Variants in CLCNKA observed in about 807,000 individuals in gnomAD.
CLCNKA encodes the protein chloride voltage-gated channel Ka, also known as chloride channel protein ClC-Ka.
A neutral mutation model predicts 83.3 loss-of-function variants in CLCNKA; 66 were observed. The observed-to-expected ratio is 0.79, with a 90% confidence interval of 0.65 to 0.97. The LOEUF (loss-of-function observed/expected upper bound fraction) is 0.97, where lower values mean the gene tolerates loss of function less well. Among genes scored for constraint, CLCNKA ranks in the 50% least tolerant of loss-of-function variants. The pLI, the probability that CLCNKA is intolerant of heterozygous loss-of-function variation, is 0.00. For synonymous variants in CLCNKA, 357 were observed against 370.4 expected (o/e 0.96, Z 0.42); for missense variants, 806 against 888.7 (o/e 0.91, Z 1.18).
chr1:16,024,769 A>G lies in CLCNKA; in HGVS notation c.236A>G (p.Gln79Arg), dbSNP rs777486534. The G allele has an allele frequency of 1.9e-6, 3 of 1,613,872 alleles. No individual in the cohort carries two copies. The highest frequency in any genetic ancestry group is 2.5e-6 in the Non-Finnish European group (3 of 1,179,994). Reference protein sequence around the residue: ...FAIGCVVRAHQWLYREIGDSH... With the variant: ...FAIGCVVRAHRWLYREIGDSH... ...GATACGCGGCTGTCCCCAGCACACC[A>G]GTGGCTGTACAGGGAGATTGGGGAC... Residue 79 changes from glutamine to arginine, a missense_variant, in exon 4 of 20, where the codon CAG (glutamine) becomes CGG (arginine). Transcript: ENST00000331433.
chr1:16,030,056 C>A lies in CLCNKA; in HGVS notation c.1389C>A (p.Pro463=), dbSNP rs141107527. The A allele has an allele frequency of 1.3e-4, 212 of 1,605,680 alleles. 1 individual carries two copies. Among genetic ancestry groups the A allele is most frequent in the Middle Eastern group, 5.0e-4 (3 of 6,040 alleles). ...VTGGVTNPIM[P]GGYALAGAAA... ...GAGGGGTTACCAATCCCATCATGCC[C>A]GGGGGGTATGCTCTGGCAGGTGAGT... is the stretch of plus-strand genomic sequence containing the variant. Residue 463 remains proline, a synonymous_variant, in exon 14 of 20, where the codon CCC becomes CCA. Coordinates refer to ENST00000331433, the MANE Select transcript of CLCNKA (RefSeq NM_004070.4).
intron 19 of CLCNKA, 71 bp downstream of exon 19, chr1:16,033,327 G>C: frequency 6.6e-7 from 1 of 1,514,846 alleles, no homozygotes. Context: ...TGGGGAGGTG[G>C]GGGGACACCA....
Position 16,026,167 on chromosome 1 carries a change from G to T in CLCNKA, c.418G>T (p.Asp140Tyr). Reference sequence around the variant, plus strand: ...GGGTGTGATCTTGGAGGACTACCTGGATATCAAGAACTTTGGGGCCAAGGT... The same window carrying T: ...GGGTGTGATCTTGGAGGACTACCTGTATATCAAGAACTTTGGGGCCAAGGT... ...LAGVILEDYL[D>Y]IKNFGAKVVG... The change falls in exon 5 of 20, where the codon GAT becomes TAT. Residue 140 changes from aspartate to tyrosine, a missense_variant. Asp to Tyr is a radical substitution (Grantham distance 160, BLOSUM62 -3). Transcript: ENST00000331433. 4.3e-6 allele frequency: 7 copies of T among 1,613,740 alleles called. No individual in the cohort carries two copies. Among genetic ancestry groups the T allele is most frequent in the Non-Finnish European group, 5.1e-6 (6 of 1,180,028 alleles).
At chr1:16,032,109 A>G (rs1050946383) in intron 16 of CLCNKA, 94 bp from the exon 17 acceptor site, 1 of 1,293,654 alleles carries the variant, frequency 7.7e-7, no homozygotes, top group Non-Finnish European at 1.1e-6. Context: ...CTGGGGTAGG[A>G]GCATGGGGAC....
At chr1:16,028,468 C>A (rs1199220822) in intron 10 of CLCNKA, 6 of 620,596 alleles carry the variant, frequency 9.7e-6, no homozygotes, top group Non-Finnish European at 1.2e-5. Context: ...TGGCCCGCCC[C>A]GGCCCGGCCC....
chr1:16,032,305 A>AGGGGCGTGGGGAT lies in CLCNKA; in HGVS notation c.1845+21_1845+33dup, dbSNP rs2022656472. 2.5e-6 allele frequency: 1 copy of AGGGGCGTGGGGAT among 405,022 alleles called. No individual in the cohort carries two copies. Among genetic ancestry groups the AGGGGCGTGGGGAT allele is most frequent in the Non-Finnish European group, 4.6e-6 (1 of 215,908 alleles). 25.1% of individuals were successfully genotyped at this position (405,022 alleles called of 1,614,324 possible). A position where few individuals can be genotyped will look rare whatever the true frequency, so the allele number is the denominator to read the frequency against. Reference sequence around the variant, plus strand: ...CCAGGACACCAGGTGGTTACTCCTGAGGGGCGTGGGGATGGGGCGGGGGTG... The same window carrying AGGGGCGTGGGGAT: ...CCAGGACACCAGGTGGTTACTCCTGAGGGGCGTGGGGATGGGGCGTGGGGATGGGGCGGGGGTG... On this transcript the variant is annotated intron_variant, in intron 17 of 19. Coordinates refer to ENST00000331433, the MANE Select transcript of CLCNKA (RefSeq NM_004070.4).
intron 7 of CLCNKA, among the ~76,000 whole-genome samples, 168 bp from the exon 8 acceptor site, chr1:16,027,142 G>A (rs947869552): frequency 6.6e-6 from 1 of 152,182 alleles, no homozygotes; most frequent in Non-Finnish European, 1.5e-5. Flanking sequence ...GGGCAGCGGG[G>A]TCCTCCCCGC....
chr1:16,029,833 T>C (rs200979677), intron 13 of CLCNKA, 33 bp downstream of exon 13: 16 of 1,613,182 alleles, frequency 9.9e-6, no homozygotes, highest in African/African-American at 5.3e-5. Flanking sequence ...CTGAGAGTTT[T>C]GGGGTTCTTG....
rs201309731 is a variant in CLCNKA, at chr1:16,028,754, C to T, written c.969-7C>T. 2 of 1,614,124 alleles carry T rather than the reference C, an allele frequency of 1.2e-6. No individual in the cohort carries two copies. The highest frequency in any genetic ancestry group is 1.7e-6 in the Non-Finnish European group (2 of 1,180,016). On this transcript the variant is annotated splice_region_variant and splice_polypyrimidine_tract_variant and intron_variant, in intron 10 of 19. Coordinates refer to ENST00000331433, the MANE Select transcript of CLCNKA (RefSeq NM_004070.4). ...GGCCAGCCCTAGAGCTCACCCACCC[C>T]CCACAGCAAGCCTGTGTACTCCGCT...
intron 15 of CLCNKA, 74 bp downstream of exon 15, chr1:16,030,748 C>T: frequency 6.3e-7 from 1 of 1,596,002 alleles, no homozygotes; most frequent in Non-Finnish European, 8.5e-7. Context: ...GAGGGCACCT[C>T]CAAAAAGAAA....
rs762493511 is a variant in CLCNKA at position 16,028,062 on chromosome 1, G to A, written c.911G>A (p.Arg304Gln). The A allele has an allele frequency of 8.2e-6, 13 of 1,592,240 alleles. No individual in the cohort carries two copies. The highest frequency in any genetic ancestry group is 1.7e-5 in the Admixed American group (1 of 58,782). Residue 304 changes from arginine to glutamine, a missense_variant, in exon 10 of 20, where the codon CGA becomes CAA. Transcript: ENST00000331433. ...VLSCAYLFCQ[R>Q]TFLSFIKTNR... Reference sequence around the variant, plus strand: ...AGCTGTGCTTACCTCTTCTGTCAGCGAACCTTCCTCAGCTTCATCAAGACC... The same window carrying A: ...AGCTGTGCTTACCTCTTCTGTCAGCAAACCTTCCTCAGCTTCATCAAGACC...
chr1:16,028,933 C>G (rs2022498588), intron 11 of CLCNKA, 88 bp downstream of exon 11: 1 of 1,539,196 alleles, frequency 6.5e-7, no homozygotes, highest in Admixed American at 1.7e-5. Context: ...CCTCAGCACC[C>G]CACCAGGGTG....
chr1:16,026,999 A>G, intron 7 of CLCNKA: 1 of 657,504 alleles, frequency 1.5e-6, no homozygotes, highest in Non-Finnish European at 2.6e-6. Flanking sequence ...AACATTACAC[A>G]GACTTGGGTT....
In CLCNKA at chr1:16,026,421, G is replaced by C. The variant is rs1400667607; in HGVS notation, c.499-115G>C. ...GTCCCCAGTGTGACAAAAGCTACCT[G>C]AGGACAGCCCTGGGGGTTGGGGAGA... On this transcript the variant is annotated intron_variant, in intron 5 of 19. Transcript: ENST00000331433. 3 of 1,510,442 alleles carry C rather than the reference G, an allele frequency of 2.0e-6. No homozygotes were observed. In the South Asian group the frequency reaches 3.5e-5, roughly 18 times the overall value. The allele number at this position is 1,510,442 out of a possible 1,614,324, so 93.6% of individuals were successfully genotyped here.
intron 2 of CLCNKA, 27 bp from the exon 3 acceptor site, chr1:16,023,773 A>G: frequency 6.2e-7 from 1 of 1,613,338 alleles, no homozygotes; most frequent in Non-Finnish European, 8.5e-7. Context: ...CCCCAACATA[A>G]GCTGGGACTC....
At chr1:16,029,856 G>A (rs2022545301) in intron 13 of CLCNKA, 56 bp downstream of exon 13, 5 of 1,609,784 alleles carry the variant, frequency 3.1e-6, no homozygotes, top group Non-Finnish European at 4.3e-6. Flanking sequence ...GCAGGGCCAT[G>A]CATCCTGGTT....
At position 16,032,973 on chromosome 1, in the gene CLCNKA, T is replaced by G. The variant is rs34241679; in HGVS notation, c.1930-197T>G. ...TGCTGGATGTTGGGTCCTGTCCACT[T>G]GCAGCCCCGCCCAGACCCTTGAGTG... On this transcript the variant is annotated intron_variant, in intron 18 of 19. Transcript: ENST00000331433. Among the ~76,000 whole-genome samples, 13,526 of 152,180 alleles carry G rather than the reference T, an allele frequency of 0.089. 698 individuals carry two copies. Among genetic ancestry groups the G allele is most frequent in the Non-Finnish European group, 0.1 (6,985 of 67,986 alleles).
At chr1:16,028,382 T>C (rs2022470403) in intron 10 of CLCNKA, among the ~76,000 whole-genome samples, 1 of 142,080 alleles carries the variant, frequency 7.0e-6, no homozygotes, top group Non-Finnish European at 1.5e-5. Flanking sequence ...CCTCAAACCC[T>C]GTGCCCCTTC....
rs117751123 is a variant in CLCNKA at position 16,024,023 on chromosome 1, C to T, written c.229+95C>T. On this transcript the variant is annotated intron_variant, in intron 3 of 19. Coordinates refer to ENST00000331433, the MANE Select transcript of CLCNKA (RefSeq NM_004070.4). Reference sequence around the variant, plus strand: ...GCCACCAAGTGCAGCGGTGCAGGGACGGACCTGGGTGCGGGGAGGGCTCTG... The same window carrying T: ...GCCACCAAGTGCAGCGGTGCAGGGATGGACCTGGGTGCGGGGAGGGCTCTG... The T allele has an allele frequency of 7.5e-4, 1,123 of 1,491,564 alleles. 14 individuals are homozygous for T. The East Asian group carries it at 0.023, about 31-fold the overall frequency. 92.4% of individuals were successfully genotyped at this position (1,491,564 alleles called of 1,614,324 possible).
Sources: allele counts gnomAD v4.1 joint callset (sites outside exome capture counted in the v4.1 genomes callset), GRCh38; gene constraint gnomAD v4.1.1; transcripts MANE v1.5; gene names NCBI Gene and HGNC (gene_info 2026-07-23, HGNC 2026-07-21).